SOAT1: variants seen among roughly 807,000 people sequenced by gnomAD.
SOAT1 encodes the protein acyl-coenzyme A:cholesterol acyltransferase 1.
Under a neutral mutation model 69.5 loss-of-function variants are expected in SOAT1, and 55 were observed. The observed-to-expected ratio is 0.79, with a 90% CI of 0.64 to 0.99. SOAT1 has a LOEUF of 0.99. Ranked by LOEUF, SOAT1 falls within the 50% of genes least tolerant of loss-of-function variation. The pLI, the probability that SOAT1 is intolerant of heterozygous loss-of-function variation, is 0.00. For synonymous variants in SOAT1, 231 were observed against 224.7 expected (o/e 1.03, Z -0.25); for missense variants, 580 against 669.3 (o/e 0.87, Z 1.47).
chr1:179,350,377 G>C lies in SOAT1; in HGVS notation c.1396G>C (p.Val466Leu). 1 of 1,613,992 alleles carries C rather than the reference G, an allele frequency of 6.2e-7. No individual in the cohort carries two copies. The change falls in exon 14 of 16, where the codon GTT (valine) becomes CTT (leucine). Residue 466 changes from valine (V) to leucine (L), a missense_variant. By Grantham distance (32) the Val-to-Leu change is conservative (BLOSUM62 1). Transcript: ENST00000367619. ...TGTAGTACACGAATATGCCTTGGCT[G>C]TTTGCTTGAGCTTTTTCTATCCCGT... The part of the protein sequence containing the change: ...SAVVHEYALA[V>L]CLSFFYPVLF...
At position 179,358,452 on chromosome 1, in the gene SOAT1, G is replaced by A. The variant is rs577013100; in HGVS notation, c.*4811G>A. On this transcript the variant is annotated 3_prime_UTR_variant, in exon 16 of 16. Coordinates refer to ENST00000367619, the MANE Select transcript of SOAT1 (RefSeq NM_003101.6). ...TTTTTAAATACTTTTGAAACAGACA[G>A]TTCATGTACCCCATCATTTAGAGAT... 1 of 152,268 alleles carries A rather than the reference G, an allele frequency of 6.6e-6. No homozygotes were observed. Among genetic ancestry groups the A allele is most frequent in the Non-Finnish European group, 1.5e-5 (1 of 68,020 alleles). 9.4% of individuals were successfully genotyped at this position (152,268 alleles called of 1,614,324 possible). A position where few individuals can be genotyped will look rare whatever the true frequency, so the allele number is the denominator to read the frequency against.
intron 3 of SOAT1, among the ~76,000 whole-genome samples, chr1:179,326,235 G>T (rs1665785570): frequency 6.6e-6 from 1 of 152,104 alleles, no homozygotes; most frequent in Non-Finnish European, 1.5e-5. Flanking sequence ...CTTTCTATCT[G>T]AAATTTCCTC....
intron 6 of SOAT1, among the ~76,000 whole-genome samples, chr1:179,340,522 C>T (rs1015705909): frequency 6.6e-6 from 1 of 152,086 alleles, no homozygotes; most frequent in South Asian, 2.1e-4. Context: ...TAAAAAATGA[C>T]AGCGTGGTAA....
At chr1:179,331,173 A>C (rs1219760119) in intron 3 of SOAT1, among the ~76,000 whole-genome samples, 6 of 152,138 alleles carry the variant, frequency 3.9e-5, no homozygotes, top group Non-Finnish European at 8.8e-5. Context: ...GAGTGTAAGA[A>C]TCTCTAGTCT....
chr1:179,323,960 C>T (rs984476597), intron 3 of SOAT1, among the ~76,000 whole-genome samples: 1 of 152,012 alleles, frequency 6.6e-6, no homozygotes, highest in African/African-American at 2.4e-5. Flanking sequence ...TCTTCAGTAC[C>T]CTCAGGAAAT....
intron 12 of SOAT1, 84 bp from the exon 13 acceptor site, chr1:179,348,760 A>AAGTGTGTGTGTGTGTGTGTGTGTG (rs1491311101): frequency 1.9e-6 from 1 of 529,414 alleles, no homozygotes; most frequent in African/African-American, 2.1e-5. Flanking sequence ...TTCGGGTGGG[A>AAGTGTGTGTGTGTGTGTGTGTGTG]TGTGTGTGTG....
chr1:179,325,259 C>G (rs963616390), intron 3 of SOAT1, among the ~76,000 whole-genome samples: 1 of 149,712 alleles, frequency 6.7e-6, no homozygotes, highest in Non-Finnish European at 1.5e-5. Context: ...ACACCATTCT[C>G]CTGCATCAGC....
chr1:179,344,052 T>C (rs1215252577), intron 10 of SOAT1, among the ~76,000 whole-genome samples: 5 of 151,860 alleles, frequency 3.3e-5, no homozygotes, highest in African/African-American at 9.7e-5. Context: ...ACCTGGGATA[T>C]GGAGGTTACA....
intron 1 of SOAT1, among the ~76,000 whole-genome samples, chr1:179,301,576 T>A (rs1664832534): frequency 6.6e-6 from 1 of 152,172 alleles, no homozygotes; most frequent in African/African-American, 2.4e-5. Flanking sequence ...TCCTATAAAT[T>A]CAGCTTGTTC....
intron 3 of SOAT1, among the ~76,000 whole-genome samples, chr1:179,326,975 A>G (rs573964950): frequency 1.1e-4 from 17 of 152,352 alleles, no homozygotes; most frequent in African/African-American, 3.6e-4. Flanking sequence ...GTAATATTTT[A>G]GTATTCTAGA....
At chr1:179,344,094 C>T (rs1158942604) in intron 10 of SOAT1, among the ~76,000 whole-genome samples, 1 of 151,990 alleles carries the variant, frequency 6.6e-6, no homozygotes, top group Non-Finnish European at 1.5e-5. Context: ...GCACTCCAGC[C>T]TGGGCGACAG....
chr1:179,352,045 G>C (rs758833126), intron 15 of SOAT1, among the ~76,000 whole-genome samples: 28 of 150,314 alleles, frequency 1.9e-4, no homozygotes, highest in Non-Finnish European at 3.0e-4. Flanking sequence ...CTAATGCCAT[G>C]TATGTCCCTA....
chr1:179,342,768 T>C (rs1666385000), intron 8 of SOAT1, 94 bp from the exon 9 acceptor site: 2 of 816,820 alleles, frequency 2.4e-6, no homozygotes, highest in Non-Finnish European at 4.1e-6. Flanking sequence ...GTCATTTTAT[T>C]CTTCCCTGTT....
intron 3 of SOAT1, among the ~76,000 whole-genome samples, chr1:179,334,609 G>A (rs997582807): frequency 3.3e-5 from 5 of 152,098 alleles, no homozygotes; most frequent in Non-Finnish European, 7.4e-5. Context: ...GTTACTTCAA[G>A]AAAAGAAAAT....
intron 2 of SOAT1, among the ~76,000 whole-genome samples, chr1:179,316,212 A>G (rs949932832): frequency 6.6e-6 from 1 of 152,136 alleles, no homozygotes; most frequent in Non-Finnish European, 1.5e-5. Flanking sequence ...CTTCCCAGTC[A>G]TCAATTCTGC....
chr1:179,314,132 G>C (rs982937657), intron 2 of SOAT1, among the ~76,000 whole-genome samples: 4 of 152,126 alleles, frequency 2.6e-5, no homozygotes, highest in African/African-American at 9.6e-5. Flanking sequence ...TATTATTTGA[G>C]ACTCAGTTCA....
At chr1:179,342,692 A>T (rs1447535423) in intron 8 of SOAT1, among the ~76,000 whole-genome samples, 170 bp from the exon 9 acceptor site, 2 of 152,224 alleles carry the variant, frequency 1.3e-5, no homozygotes, top group Admixed American at 1.3e-4. Flanking sequence ...GAGATTGGTA[A>T]TATTCAATTC....
At chr1:179,325,629 G>A (rs934624675) in intron 3 of SOAT1, among the ~76,000 whole-genome samples, 11 of 152,116 alleles carry the variant, frequency 7.2e-5, no homozygotes. Flanking sequence ...GTGAGGGCAA[G>A]TTTCAAATAG....
intron 1 of SOAT1, chr1:179,294,357 A>T (rs959440163): frequency 2.0e-5 from 3 of 152,212 alleles, no homozygotes; most frequent in Non-Finnish European, 4.4e-5. Context: ...GGGCACCAGA[A>T]CCTTTAATCA....
Sources: allele counts gnomAD v4.1 joint callset (sites outside exome capture counted in the v4.1 genomes callset), GRCh38; gene constraint gnomAD v4.1.1; transcripts MANE v1.5; gene names NCBI Gene and HGNC (gene_info 2026-07-23, HGNC 2026-07-21).